ZNF420: variants seen among roughly 807,000 people sequenced by gnomAD.
The protein encoded by ZNF420 is zinc finger protein 420.
In ZNF420, 31 loss-of-function variants were observed where a neutral mutation model predicts 44.7. The ratio of observed to expected loss-of-function variants is 0.69; its 90% CI spans 0.52 to 0.94. The LOEUF is 0.94. Ranked by LOEUF, ZNF420 falls within the 40% of genes least tolerant of loss-of-function variation. ZNF420 has a pLI of 0.00. For synonymous variants in ZNF420, 245 were observed against 267.4 expected (o/e 0.92, Z 0.82); for missense variants, 681 against 827.9 (o/e 0.82, Z 2.18).
At chr19:37,048,280 C>T (rs1289718680) in intron 1 of ZNF420, among the ~76,000 whole-genome samples, 1 of 152,120 alleles carries the variant, frequency 6.6e-6, no homozygotes, top group Non-Finnish European at 1.5e-5. Flanking sequence ...AGGATGAAAA[C>T]AATATTTGTT....
chr19:37,046,081 A>G (rs1007203997), intron 1 of ZNF420, among the ~76,000 whole-genome samples: 1 of 152,148 alleles, frequency 6.6e-6, no homozygotes, highest in African/African-American at 2.4e-5. Context: ...TGATTCAACT[A>G]CCTCACCCTG....
At chr19:37,048,046 G>A (rs1421823090) in intron 1 of ZNF420, among the ~76,000 whole-genome samples, 2 of 152,122 alleles carry the variant, frequency 1.3e-5, no homozygotes, top group Admixed American at 6.6e-5. Context: ...CACAACATTT[G>A]GGGAGCTTTG....
chr19:37,031,235 T>C (rs1054147721), intron 1 of ZNF420, among the ~76,000 whole-genome samples: 3 of 152,230 alleles, frequency 2.0e-5, no homozygotes. Context: ...GAGAAATCTC[T>C]TTCCATTCAC....
In ZNF420 at chr19:37,127,683, C is replaced by G. The variant is rs760734359; in HGVS notation, c.692C>G (p.Ala231Gly). 21 of 1,613,652 alleles carry G rather than the reference C, an allele frequency of 1.3e-5. No homozygotes were observed. Among genetic ancestry groups the G allele is most frequent in the Middle Eastern group, 1.6e-4 (1 of 6,080 alleles). ...KPYKCEECGKAFIRSSQLTRH... is the reference protein window; with the variant it reads ...KPYKCEECGKGFIRSSQLTRH... ...TATAAATGTGAAGAATGTGGGAAAG[C>G]CTTTATTCGTAGCTCACAACTTACC... Residue 231 changes from alanine (A) to glycine (G), a missense_variant, in exon 5 of 5, where the codon GCC becomes GGC. Transcript: ENST00000337995.
At chr19:37,099,526 G>GT (rs1471472322) in intron 4 of ZNF420, among the ~76,000 whole-genome samples, 6 of 152,134 alleles carry the variant, frequency 3.9e-5, no homozygotes, top group South Asian at 2.1e-4. Context: ...CAGATTATTT[G>GT]TTTTTTTGCT....
Position 37,029,611 on chromosome 19 carries a change from G to A in ZNF420, c.-125+21529G>A, listed in dbSNP as rs377199400. Among the ~76,000 whole-genome samples, 74 of 149,450 alleles carry A rather than the reference G, an allele frequency of 5.0e-4. 1 individual carries two copies. The South Asian group carries it at 5.9e-3, about 12-fold the overall frequency. ...CACCCAGGCTGGAGTGCAATGGCACGATCTCAGCTCTCTGCAGCCTCAGCC... is the reference window on the plus strand; with the variant it reads ...CACCCAGGCTGGAGTGCAATGGCACAATCTCAGCTCTCTGCAGCCTCAGCC... On this transcript the variant is annotated intron_variant, in intron 1 of 4. Coordinates refer to the ZNF420 transcript ENST00000587029.
At chr19:37,008,138 G>A in intron 1 of ZNF420, 1 of 298,804 alleles carries the variant, frequency 3.3e-6, no homozygotes, top group South Asian at 2.9e-5. Context: ...CTGCCTGTGT[G>A]CCTGTAGGCT....
intron 1 of ZNF420, among the ~76,000 whole-genome samples, chr19:37,032,410 C>T (rs1967277158): frequency 6.6e-6 from 1 of 150,470 alleles, no homozygotes. Flanking sequence ...GAGGCTGAGG[C>T]ATGAGAATCA....
At chr19:37,043,934 A>G (rs1285169678) in intron 1 of ZNF420, among the ~76,000 whole-genome samples, 2 of 152,064 alleles carry the variant, frequency 1.3e-5, no homozygotes, top group Non-Finnish European at 2.9e-5. Context: ...TACATCAAAG[A>G]CTCCATGACA....
chr19:37,121,065 A>T (rs1270554849), intron 4 of ZNF420, among the ~76,000 whole-genome samples: 1 of 150,530 alleles, frequency 6.6e-6, no homozygotes, highest in African/African-American at 2.5e-5. Flanking sequence ...TAATTTATAG[A>T]TTCAATGCCA....
intron 1 of ZNF420, among the ~76,000 whole-genome samples, chr19:37,065,579 T>TA (rs766171575): frequency 6.6e-6 from 1 of 152,258 alleles, no homozygotes; most frequent in East Asian, 1.9e-4. Context: ...ACATTGGACT[T>TA]ACAGATGCAA....
intron 1 of ZNF420, among the ~76,000 whole-genome samples, chr19:37,044,542 C>G (rs1352039647): frequency 6.6e-6 from 1 of 152,048 alleles, no homozygotes; most frequent in African/African-American, 2.4e-5. Flanking sequence ...CCTAAAACCC[C>G]CAAGCACACT....
chr19:37,095,049 T>C (rs1318083674), intron 4 of ZNF420, among the ~76,000 whole-genome samples: 1 of 150,832 alleles, frequency 6.6e-6, no homozygotes, highest in Admixed American at 6.6e-5. Context: ...GAGAATCGCT[T>C]GAACCTGGGA....
intron 1 of ZNF420, among the ~76,000 whole-genome samples, chr19:37,040,111 T>C (rs1967426078): frequency 6.6e-6 from 1 of 152,194 alleles, no homozygotes; most frequent in Admixed American, 6.5e-5. Context: ...TAGAAGGCTG[T>C]TTCATCTACA....
chr19:37,105,303 G>A (rs1294276733), intron 4 of ZNF420, among the ~76,000 whole-genome samples: 1 of 152,088 alleles, frequency 6.6e-6, no homozygotes, highest in African/African-American at 2.4e-5. Flanking sequence ...AAGATCAGAT[G>A]GTTGTAGATG....
At chr19:37,081,610 C>G (rs1443818995) in intron 2 of ZNF420, among the ~76,000 whole-genome samples, 2 of 151,164 alleles carry the variant, frequency 1.3e-5, no homozygotes, top group Non-Finnish European at 2.9e-5. Context: ...CAAGCAACCT[C>G]CACCTCCCAG....
Position 37,123,397 on chromosome 19 carries a change from G to C in ZNF420, c.137-3731G>C, listed in dbSNP as rs574061517. Among the ~76,000 whole-genome samples the C allele has an allele frequency of 5.9e-5, 9 of 152,074 alleles. No individual in the cohort carries two copies. The East Asian group carries it at 1.7e-3, about 29-fold the overall frequency. ...TGAATAGGTTCCAATTTTGTAAAAT[G>C]GTTTATTTCTAATCCCTGCCCTTTT... On this transcript the variant is annotated intron_variant, in intron 4 of 4. Transcript: ENST00000337995.
chr19:37,096,804 A>G (rs571089485), intron 4 of ZNF420, among the ~76,000 whole-genome samples: 3 of 151,698 alleles, frequency 2.0e-5, no homozygotes, highest in Non-Finnish European at 2.9e-5. Context: ...CGGATGCACC[A>G]TTTACATATT....
chr19:37,052,696 C>G (rs1373362195), intron 1 of ZNF420, among the ~76,000 whole-genome samples: 2 of 152,210 alleles, frequency 1.3e-5, no homozygotes, highest in African/African-American at 2.4e-5. Flanking sequence ...GGCCCCCACT[C>G]TCTTCTGGCT....
Sources: gnomAD v4.1 joint callset for allele counts (sites outside exome capture counted in the v4.1 genomes callset) on GRCh38, gnomAD v4.1.1 for gene constraint, MANE v1.5 for transcripts, NCBI Gene and HGNC (gene_info 2026-07-23, HGNC 2026-07-21) for gene names.